The following CDKL5 variants were observed in gnomAD, a reference collection of about 807,000 sequenced individuals.
CDKL5 encodes cyclin dependent kinase like 5.
CDKL5 carries 8 observed loss-of-function variants against 61.7 expected under a neutral mutation model. That is an observed-to-expected ratio of 0.13 (90% CI 0.08 to 0.23). CDKL5 has a LOEUF of 0.23. Among genes scored for constraint, CDKL5 ranks in the 10% least tolerant of loss-of-function variants. CDKL5 has a pLI of 1.00. For missense variants in CDKL5, 440 were observed against 734.5 expected (o/e 0.60, Z 4.63); for synonymous variants, 275 against 272.3 (o/e 1.01, Z -0.10).
At chrX:18,443,085 T>C (rs1452022380) in intron 1 of CDKL5, among the ~76,000 whole-genome samples, 1 of 112,168 alleles carries the variant, frequency 8.9e-6, no homozygotes, top group Non-Finnish European at 1.9e-5. Flanking sequence ...TATTTACTCA[T>C]GTGCTTTTCA....
At position 18,429,852 on chromosome X, in the gene CDKL5, G is replaced by A. The variant is rs946829640; in HGVS notation, c.-163+4157G>A. On this transcript the variant is annotated intron_variant, in intron 1 of 17. Transcript: ENST00000623535. ...GGGGTCTCATGATGTTGCTCAGGCT[G>A]GTCTTGAACTCCTGGCGTCAAGCGA... Among the ~76,000 whole-genome samples the A allele has an allele frequency of 2.7e-5, 3 of 111,822 alleles. No homozygotes were observed. In the East Asian group the frequency reaches 8.4e-4, roughly 31 times the overall value.
intron 1 of CDKL5, among the ~76,000 whole-genome samples, chrX:18,445,635 C>G (rs909836271): frequency 4.5e-5 from 5 of 110,702 alleles, no homozygotes; most frequent in African/African-American, 1.6e-4. Flanking sequence ...GGGCGGTTTC[C>G]CCCGTGCTGT....
chrX:18,528,210 T>G (rs994130900), intron 3 of CDKL5, among the ~76,000 whole-genome samples: 1 of 109,239 alleles, frequency 9.2e-6, no homozygotes, highest in Non-Finnish European at 1.9e-5. Flanking sequence ...CTTGATGGTA[T>G]TGTTCAATTC....
intron 8 of CDKL5, among the ~76,000 whole-genome samples, chrX:18,587,464 G>A (rs1808883439): frequency 9.0e-6 from 1 of 111,629 alleles, no homozygotes; most frequent in African/African-American, 3.3e-5. Context: ...GCTGAGCGAT[G>A]GAAGGTTAAA....
chrX:18,505,938 T>C (rs895248091), intron 1 of CDKL5, among the ~76,000 whole-genome samples: 1 of 113,184 alleles, frequency 8.8e-6, no homozygotes, highest in Non-Finnish European at 1.9e-5. Flanking sequence ...GATTGCCAAA[T>C]GGCGATCTTC....
At chrX:18,612,659 A>T (rs758497800) in intron 14 of CDKL5, among the ~76,000 whole-genome samples, 3 of 108,050 alleles carry the variant, frequency 2.8e-5, no homozygotes, top group East Asian at 5.7e-4. Context: ...TATTTAAAAA[A>T]AAAAAAAAAG....
intron 20 of CDKL5, chrX:18,647,164 G>GA (rs766130132): frequency 1.7e-6 from 2 of 1,207,168 alleles, no homozygotes; most frequent in South Asian, 1.8e-5. Context: ...AAAAGCACAT[G>GA]AAAAAAAATC....
intron 16 of CDKL5, chrX:18,623,880 C>T (rs746661602): frequency 5.5e-5 from 40 of 732,620 alleles, no homozygotes; most frequent in Non-Finnish European, 6.4e-5. Context: ...ATATTGCAGA[C>T]AGATTCCACC....
At chrX:18,460,363 T>C (rs900623550) in intron 1 of CDKL5, among the ~76,000 whole-genome samples, 13 of 111,601 alleles carry the variant, frequency 1.2e-4, no homozygotes, top group African/African-American at 4.2e-4. Context: ...GGTGTTAAAC[T>C]ATTAGAAACT....
chrX:18,580,756 G>T (rs1283731659), intron 6 of CDKL5, among the ~76,000 whole-genome samples: 2 of 111,698 alleles, frequency 1.8e-5, no homozygotes, highest in Non-Finnish European at 3.8e-5. Context: ...TTTGTCTTTA[G>T]ATTAGCAGAT....
At chrX:18,560,546 A>G (rs1243926755) in intron 3 of CDKL5, among the ~76,000 whole-genome samples, 1 of 112,099 alleles carries the variant, frequency 8.9e-6, no homozygotes, top group African/African-American at 3.2e-5. Context: ...ATGTTTATTG[A>G]ACACCTACTA....
chrX:18,553,392 A>G (rs979381731), intron 3 of CDKL5, among the ~76,000 whole-genome samples: 26 of 111,065 alleles, frequency 2.3e-4, no homozygotes, highest in Non-Finnish European at 4.2e-4. Flanking sequence ...TCTTATTGGA[A>G]ATAATGAGAA....
rs936612317 is a variant in CDKL5, at chrX:18,636,421, C to G, written c.*7664C>G. 9.4e-6 allele frequency: 1 copy of G among 105,964 alleles called. No homozygotes were observed. The highest frequency in any genetic ancestry group is 3.4e-5 in the African/African-American group (1 of 29,182). The allele number at this position is 105,964 out of a possible 1,213,427, so 8.7% of individuals were successfully genotyped here. A position where few individuals can be genotyped will look rare whatever the true frequency, so the allele number is the denominator to read the frequency against. ...CAGCGAAACAGGTACTATTATTATC[C>G]CCTTTTTGTAAATGAGGAAACAGAT... On this transcript the variant is annotated 3_prime_UTR_variant, in exon 18 of 18. Coordinates refer to ENST00000623535, the MANE Select transcript of CDKL5 (RefSeq NM_001323289.2).
At chrX:18,594,797 C>T (rs751272485) in intron 9 of CDKL5, among the ~76,000 whole-genome samples, 4 of 112,528 alleles carry the variant, frequency 3.6e-5, no homozygotes, top group Non-Finnish European at 3.8e-5. Context: ...GTTTGTTTCA[C>T]ATGCCTTAGT....
At chrX:18,531,010 A>G (rs760424722) in intron 3 of CDKL5, among the ~76,000 whole-genome samples, 1 of 112,143 alleles carries the variant, frequency 8.9e-6, no homozygotes, top group South Asian at 3.7e-4. Flanking sequence ...TGTTGACATG[A>G]TGGGAAGAGT....
At chrX:18,556,821 T>G (rs1425856873) in intron 3 of CDKL5, among the ~76,000 whole-genome samples, 1 of 90,759 alleles carries the variant, frequency 1.1e-5, no homozygotes, top group African/African-American at 4.5e-5. Context: ...AGGCGGAGGT[T>G]GAAGTGAGCC....
chrX:18,625,199 C>T lies in CDKL5; in HGVS notation c.2448C>T (p.Ser816=). ...TTCATTCTGCTAGCACTCCAAGCAG[C>T]AGACCAAAGGAGTGGCGCCCCGAGA... is the stretch of plus-strand genomic sequence containing the variant. ...KSIHSASTPS[S]RPKEWRPEKI... is the part of the protein sequence containing the mutation. The change falls in exon 17 of 18, where the codon AGC becomes AGT. Residue 816 remains serine (S), a synonymous_variant. Transcript: ENST00000623535. The T allele has an allele frequency of 1.7e-6, 2 of 1,208,071 alleles. No individual in the cohort carries two copies. The highest frequency in any genetic ancestry group is 2.2e-6 in the Non-Finnish European group (2 of 893,425).
chrX:18,631,335 A>G lies in CDKL5; in HGVS notation c.*2578A>G. ...GAGGTAGCTCTTTAATCCTCTTCTC[A>G]GCTTTTGTCTGTTCTGACTTTTCAT... On this transcript the variant is annotated 3_prime_UTR_variant, in exon 18 of 18. Coordinates refer to ENST00000623535, the MANE Select transcript of CDKL5 (RefSeq NM_001323289.2). 9.3e-6 allele frequency: 7 copies of G among 752,647 alleles called. No individual in the cohort carries two copies. Among genetic ancestry groups the G allele is most frequent in the South Asian group, 6.8e-5 (1 of 14,735 alleles). The allele number at this position is 752,647 out of a possible 1,213,427, so 62.0% of individuals were successfully genotyped here.
Position 18,575,839 on chromosome X carries a change from G to A in CDKL5, c.282+349G>A, listed in dbSNP as rs188718488. On this transcript the variant is annotated intron_variant, in intron 5 of 17. Coordinates refer to ENST00000623535, the MANE Select transcript of CDKL5 (RefSeq NM_001323289.2). ...ACAGTGATGGTACAGGCTGGAAGAG[G>A]CTGTATAAGATACCACACTGAATCA... Among the ~76,000 whole-genome samples, 700 of 111,747 alleles carry A rather than the reference G, an allele frequency of 6.3e-3. 8 individuals are homozygous for A. Among genetic ancestry groups the A allele is most frequent in the African/African-American group, 0.021 (654 of 30,776 alleles).
Sources: allele counts gnomAD v4.1 joint callset (sites outside exome capture counted in the v4.1 genomes callset), GRCh38; gene constraint gnomAD v4.1.1; transcripts MANE v1.5; gene names NCBI Gene and HGNC (gene_info 2026-07-23, HGNC 2026-07-21).